Variants in FANCL observed in about 807,000 individuals in gnomAD.
FANCL encodes the protein E3 ubiquitin-protein ligase FANCL.
In FANCL, 69 loss-of-function variants were observed where a neutral mutation model predicts 59.4. The observed-to-expected ratio is 1.16, with a 90% CI of 0.96 to 1.42. FANCL has a LOEUF of 1.42. FANCL is among the 40% of genes most tolerant of loss of function. FANCL has a pLI of 0.00. For synonymous variants in FANCL, 180 were observed against 147.1 expected (o/e 1.22, Z -1.62); for missense variants, 519 against 447.2 (o/e 1.16, Z -1.45).
rs376229390 is a variant in FANCL, at chr2:58,237,877, G to C, written c.96+3341C>G. ...ACTTCAGAGACTAAGAGATTAAAGA[G>C]AATGTGCATCTTTATTGATCTCTCT... On this transcript the variant is annotated intron_variant, in intron 1 of 13. Transcript: ENST00000233741. Among the ~76,000 whole-genome samples, 18 of 152,290 alleles carry C rather than the reference G, an allele frequency of 1.2e-4. No individual in the cohort carries two copies. The East Asian group carries it at 2.9e-3, about 24-fold the overall frequency.
intron 1 of FANCL, among the ~76,000 whole-genome samples, chr2:58,240,155 A>G (rs1325761174): frequency 6.6e-6 from 1 of 151,966 alleles, no homozygotes; most frequent in East Asian, 1.9e-4. Context: ...CAACTTTTCT[A>G]AATGTTGTCT....
chr2:58,166,996 G>C (rs1422588386), intron 7 of FANCL, among the ~76,000 whole-genome samples: 1 of 152,176 alleles, frequency 6.6e-6, no homozygotes, highest in South Asian at 2.1e-4. Flanking sequence ...CGCAGATCAC[G>C]AGGTCAAGAG....
chr2:58,189,366 T>C (rs949705998), intron 7 of FANCL, among the ~76,000 whole-genome samples: 1 of 152,160 alleles, frequency 6.6e-6, no homozygotes, highest in Non-Finnish European at 1.5e-5. Flanking sequence ...TTCTCGTTAG[T>C]TTTCTCAACA....
intron 7 of FANCL, among the ~76,000 whole-genome samples, chr2:58,182,969 T>C (rs1481124291): frequency 6.6e-6 from 1 of 151,804 alleles, no homozygotes; most frequent in East Asian, 1.9e-4. Flanking sequence ...ACGGAAATAG[T>C]GTTAATCCTC....
chr2:58,198,213 G>C (rs1689632863), intron 7 of FANCL, among the ~76,000 whole-genome samples: 1 of 152,032 alleles, frequency 6.6e-6, no homozygotes, highest in African/African-American at 2.4e-5. Context: ...AAAAAACAAA[G>C]ATTACTTCAT....
chr2:58,217,348 T>A (rs564747999), intron 5 of FANCL, among the ~76,000 whole-genome samples: 1 of 150,414 alleles, frequency 6.6e-6, no homozygotes, highest in African/African-American at 2.4e-5. Flanking sequence ...TCAGCAAAGA[T>A]GTGCTCCCTC....
Position 58,162,957 on chromosome 2 carries a change from T to C in FANCL, c.822-10A>G, listed in dbSNP as rs749841169. ...ACTATTTTCTGGATCCCTGAAAGCATGGGGAAAAAAATTATGCTGTGAACT... is the reference window on the plus strand; with the variant it reads ...ACTATTTTCTGGATCCCTGAAAGCACGGGGAAAAAAATTATGCTGTGAACT... On this transcript the variant is annotated splice_polypyrimidine_tract_variant and intron_variant, in intron 10 of 13. Transcript: ENST00000233741. 5.6e-6 allele frequency: 9 copies of C among 1,612,616 alleles called. No homozygotes were observed. The highest frequency in any genetic ancestry group is 4.5e-5 in the East Asian group (2 of 44,816).
In FANCL at chr2:58,165,665, A is replaced by C. The variant is rs577039302; in HGVS notation, c.691+59T>G. On this transcript the variant is annotated intron_variant, in intron 8 of 13. Coordinates refer to ENST00000233741, the MANE Select transcript of FANCL (RefSeq NM_018062.4). ...GAGTCCAACTGTCATTGTTAGATTT[A>C]TTTTCATAATACAAAATAAAACACC... 13 of 738,510 alleles carry C rather than the reference A, an allele frequency of 1.8e-5. No individual in the cohort carries two copies. In the South Asian group the frequency reaches 2.5e-4, roughly 14 times the overall value. The allele number at this position is 738,510 out of a possible 1,614,324, so 45.7% of individuals were successfully genotyped here.
chr2:58,199,453 T>G (rs1261680353), intron 6 of FANCL, among the ~76,000 whole-genome samples: 1 of 152,190 alleles, frequency 6.6e-6, no homozygotes, highest in Non-Finnish European at 1.5e-5. Context: ...AAAAATTATT[T>G]TCTATATTAA....
chr2:58,219,171 A>AATATATAC (rs1692201747), intron 5 of FANCL, among the ~76,000 whole-genome samples: 2 of 19,262 alleles, frequency 1.0e-4, no homozygotes, highest in Non-Finnish European at 1.8e-4. Flanking sequence ...AAAAAAAAAA[A>AATATATAC]ATATATATAT....
intron 11 of FANCL, among the ~76,000 whole-genome samples, chr2:58,162,115 G>C (rs1193056133): frequency 4.6e-5 from 7 of 151,804 alleles, no homozygotes; most frequent in Non-Finnish European, 1.0e-4. Flanking sequence ...TTTAAAGAAA[G>C]GAATTGATAT....
intron 1 of FANCL, among the ~76,000 whole-genome samples, chr2:58,235,019 G>C (rs983386376): frequency 6.6e-6 from 1 of 152,002 alleles, no homozygotes; most frequent in Non-Finnish European, 1.5e-5. Flanking sequence ...CTGGTTCTAT[G>C]ATGGGAGTAT....
chr2:58,214,957 C>A lies in FANCL; in HGVS notation c.374+6985G>T, dbSNP rs546331952. Among the ~76,000 whole-genome samples, 5 of 152,288 alleles carry A rather than the reference C, an allele frequency of 3.3e-5. No homozygotes were observed. The South Asian group carries it at 1.0e-3, about 32-fold the overall frequency. On this transcript the variant is annotated intron_variant, in intron 5 of 13. Coordinates refer to ENST00000233741, the MANE Select transcript of FANCL (RefSeq NM_018062.4). ...ACGCTTCAACTGATTTTTCTTATTG[C>A]ACTTCTCTCAACCATGTCAGATCCA... is the stretch of plus-strand genomic sequence containing the variant.
At chr2:58,224,198 GAA>G (rs1267974902) in intron 4 of FANCL, among the ~76,000 whole-genome samples, 1 of 151,760 alleles carries the variant, frequency 6.6e-6, no homozygotes, top group Non-Finnish European at 1.5e-5. Context: ...TTTTTGATAA[GAA>G]GAGTTTAATG....
At chr2:58,183,868 T>A (rs1688155772) in intron 7 of FANCL, among the ~76,000 whole-genome samples, 1 of 151,962 alleles carries the variant, frequency 6.6e-6, no homozygotes, top group Non-Finnish European at 1.5e-5. Flanking sequence ...AGTACCCAGT[T>A]TGCAAGGAAA....
At chr2:58,216,948 A>G (rs1031290471) in intron 5 of FANCL, among the ~76,000 whole-genome samples, 1 of 151,256 alleles carries the variant, frequency 6.6e-6, no homozygotes, top group Admixed American at 6.6e-5. Flanking sequence ...ATGTTATTTT[A>G]TTACAGCTTT....
intron 2 of FANCL, among the ~76,000 whole-genome samples, chr2:58,231,831 T>A (rs1693611443): frequency 6.6e-6 from 1 of 152,214 alleles, no homozygotes. Flanking sequence ...GCTTTAAATA[T>A]TTTTTTAAAA....
chr2:58,225,779 TAGGAC>T (rs1692939512), intron 4 of FANCL, among the ~76,000 whole-genome samples: 1 of 152,002 alleles, frequency 6.6e-6, no homozygotes, highest in Non-Finnish European at 1.5e-5. Context: ...GAAGATTTTA[TAGGAC>T]ACCTAATTTG....
At chr2:58,178,761 G>A (rs1276854723) in intron 7 of FANCL, among the ~76,000 whole-genome samples, 1 of 152,084 alleles carries the variant, frequency 6.6e-6, no homozygotes, top group Non-Finnish European at 1.5e-5. Flanking sequence ...GAAATAAAAG[G>A]TATTCAAATA....
Sources: allele counts gnomAD v4.1 joint callset (sites outside exome capture counted in the v4.1 genomes callset), GRCh38; gene constraint gnomAD v4.1.1; transcripts MANE v1.5; gene names NCBI Gene and HGNC (gene_info 2026-07-23, HGNC 2026-07-21).